The following NELL1 variants were observed in gnomAD, a reference collection of about 807,000 sequenced individuals.
NELL1 encodes the protein protein kinase C-binding protein NELL1.
A neutral mutation model predicts 107.4 loss-of-function variants in NELL1; 76 were observed. The observed-to-expected ratio is 0.71, with a 90% confidence interval of 0.59 to 0.86. The LOEUF is 0.86. Ranked by LOEUF, NELL1 falls within the 40% of genes least tolerant of loss-of-function variation. NELL1 has a pLI of 0.00. For missense variants in NELL1, 1,024 were observed against 1,005.5 expected (o/e 1.02, Z -0.25); for synonymous variants, 353 against 341.2 (o/e 1.03, Z -0.38).
intron 13 of NELL1, among the ~76,000 whole-genome samples, chr11:21,147,494 C>A (rs1213353003): frequency 3.3e-5 from 5 of 152,054 alleles, no homozygotes; most frequent in Non-Finnish European, 7.4e-5. Flanking sequence ...GAGCCAGAAC[C>A]CTCTGCTGTC....
chr11:21,534,606 A>G, intron 16 of NELL1, 92 bp downstream of exon 16: 1 of 1,336,552 alleles, frequency 7.5e-7, no homozygotes, highest in South Asian at 1.3e-5. Context: ...CAGTGTTAAA[A>G]TATGACCATT....
intron 14 of NELL1, among the ~76,000 whole-genome samples, chr11:21,363,903 A>G (rs1211539738): frequency 6.6e-6 from 1 of 152,178 alleles, no homozygotes; most frequent in Non-Finnish European, 1.5e-5. Context: ...GGAATGCATT[A>G]TCTGTCTCCT....
intron 12 of NELL1, among the ~76,000 whole-genome samples, chr11:20,962,024 A>G (rs1851301780): frequency 6.6e-6 from 1 of 151,854 alleles, no homozygotes; most frequent in South Asian, 2.1e-4. Flanking sequence ...TATTAACAAT[A>G]TATTCTAATA....
rs529589195 is a variant in NELL1 at position 20,982,155 on chromosome 11, G to A, written c.1300+21595G>A. ...CAAGTCTTGGCCCCAAACAACTCAGGTATCCAAGAATCTGTAACATAGTGA... is the reference window on the plus strand; with the variant it reads ...CAAGTCTTGGCCCCAAACAACTCAGATATCCAAGAATCTGTAACATAGTGA... On this transcript the variant is annotated intron_variant, in intron 12 of 19. Transcript: ENST00000357134. 8.5e-5 allele frequency among the ~76,000 whole-genome samples: 13 copies of A among 152,240 alleles called. No individual in the cohort carries two copies. In the South Asian group the frequency reaches 2.5e-3, roughly 29 times the overall value.
chr11:21,355,428 G>A (rs1850910494), intron 14 of NELL1, among the ~76,000 whole-genome samples: 1 of 152,156 alleles, frequency 6.6e-6, no homozygotes, highest in Non-Finnish European at 1.5e-5. Flanking sequence ...TTTAATTCCA[G>A]TTTTACCAGT....
chr11:20,973,432 T>G (rs558784688), intron 12 of NELL1, among the ~76,000 whole-genome samples: 1 of 152,172 alleles, frequency 6.6e-6, no homozygotes, highest in Non-Finnish European at 1.5e-5. Context: ...TCTTAACATA[T>G]TTTTTAGGTT....
At chr11:21,551,297 T>C (rs935410569) in intron 16 of NELL1, among the ~76,000 whole-genome samples, 5 of 151,980 alleles carry the variant, frequency 3.3e-5, no homozygotes, top group African/African-American at 1.2e-4. Flanking sequence ...ACAGGGACAA[T>C]TTGACTTCCT....
chr11:21,522,293 A>G (rs910960133), intron 15 of NELL1, among the ~76,000 whole-genome samples: 1 of 152,170 alleles, frequency 6.6e-6, no homozygotes, highest in Non-Finnish European at 1.5e-5. Flanking sequence ...TATTCGCAAT[A>G]ATGACAATAG....
intron 10 of NELL1, among the ~76,000 whole-genome samples, chr11:20,945,131 G>A (rs75118409): frequency 1.8e-3 from 268 of 152,246 alleles, no homozygotes; most frequent in African/African-American, 6.2e-3. Context: ...TCCCAGAAGC[G>A]AACCCTGAGC....
intron 4 of NELL1, among the ~76,000 whole-genome samples, chr11:20,874,514 G>C (rs1849266272): frequency 6.6e-6 from 1 of 152,180 alleles, no homozygotes; most frequent in Non-Finnish European, 1.5e-5. Flanking sequence ...TGTCAATTGA[G>C]TATAGCAATG....
intron 15 of NELL1, among the ~76,000 whole-genome samples, chr11:21,441,934 A>C (rs1853296028): frequency 1.3e-5 from 2 of 152,196 alleles, no homozygotes. Context: ...TACTTTTATC[A>C]TCCTCCAGAT....
intron 15 of NELL1, among the ~76,000 whole-genome samples, chr11:21,444,847 T>C (rs1367871331): frequency 6.6e-6 from 1 of 152,190 alleles, no homozygotes; most frequent in Non-Finnish European, 1.5e-5. Flanking sequence ...CTGTACCTTT[T>C]CCCTCCCTTC....
intron 2 of NELL1, among the ~76,000 whole-genome samples, chr11:20,721,178 TGTGTATATATATATATATA>T (rs1855374096): frequency 2.2e-5 from 1 of 45,324 alleles, no homozygotes; most frequent in African/African-American, 5.2e-5. Flanking sequence ...ATATATATTT[TGTGTATATATATATATATA>T]GTGTATATAT....
intron 13 of NELL1, among the ~76,000 whole-genome samples, chr11:21,159,454 C>T (rs943139902): frequency 6.6e-6 from 1 of 152,210 alleles, no homozygotes; most frequent in African/African-American, 2.4e-5. Context: ...TAGGATGCTG[C>T]TGCTGCACTT....
intron 2 of NELL1, among the ~76,000 whole-genome samples, chr11:20,695,352 A>G (rs192735018): frequency 4.6e-5 from 7 of 152,222 alleles, no homozygotes; most frequent in African/African-American, 1.7e-4. Context: ...TGGTGAAAGT[A>G]GACATCTTTG....
chr11:21,029,601 C>T (rs901643722), intron 12 of NELL1, among the ~76,000 whole-genome samples: 3 of 152,078 alleles, frequency 2.0e-5, no homozygotes, highest in Non-Finnish European at 2.9e-5. Context: ...CTGAAAACTC[C>T]ATTTTAATGA....
At chr11:21,457,606 T>C (rs1853778769) in intron 15 of NELL1, among the ~76,000 whole-genome samples, 1 of 152,186 alleles carries the variant, frequency 6.6e-6, no homozygotes. Flanking sequence ...TTTAGGCCTT[T>C]AATTCCTGAG....
In NELL1 at chr11:20,694,813, T is replaced by C. The variant is rs567868033; in HGVS notation, c.184+16753T>C. Among the ~76,000 whole-genome samples, 35 of 152,234 alleles carry C rather than the reference T, an allele frequency of 2.3e-4. No homozygotes were observed. In the South Asian group the frequency reaches 6.0e-3, roughly 26 times the overall value. ...CACATACATTTTAGTGTAGGTTTTT[T>C]TTTAATTCTATGAAAAATGACATTG... is the stretch of plus-strand genomic sequence containing the variant. On this transcript the variant is annotated intron_variant, in intron 2 of 19. Coordinates refer to ENST00000357134, the MANE Select transcript of NELL1 (RefSeq NM_006157.5).
At chr11:21,461,311 T>C (rs1350956166) in intron 15 of NELL1, among the ~76,000 whole-genome samples, 1 of 152,134 alleles carries the variant, frequency 6.6e-6, no homozygotes, top group Non-Finnish European at 1.5e-5. Context: ...GTTTCTACCT[T>C]GTTTCTACCT....
Sources: gnomAD v4.1 joint callset for allele counts (sites outside exome capture counted in the v4.1 genomes callset) on GRCh38, gnomAD v4.1.1 for gene constraint, MANE v1.5 for transcripts, NCBI Gene and HGNC (gene_info 2026-07-23, HGNC 2026-07-21) for gene names.